The following VIPR2 variants were observed in gnomAD, a reference collection of about 807,000 sequenced individuals.
The protein encoded by VIPR2 is vasoactive intestinal peptide receptor 2.
A neutral mutation model predicts 58.0 loss-of-function variants in VIPR2; 48 were observed. The ratio of observed to expected loss-of-function variants is 0.83; its 90% CI spans 0.66 to 1.05. The LOEUF (loss-of-function observed/expected upper bound fraction) is 1.05. Ranked by LOEUF, VIPR2 falls within the 50% of genes least tolerant of loss-of-function variation. The pLI, the probability that VIPR2 is intolerant of heterozygous loss-of-function variation, is 0.00. For missense variants in VIPR2, 534 were observed against 558.0 expected (o/e 0.96, Z 0.43); for synonymous variants, 243 against 235.2 (o/e 1.03, Z -0.30).
intron 4 of VIPR2, among the ~76,000 whole-genome samples, chr7:159,067,321 C>CACA: frequency 6.6e-6 from 1 of 152,230 alleles, no homozygotes; most frequent in East Asian, 1.9e-4. Flanking sequence ...TGCTGTGCAG[C>CACA]TATAGGATTT....
At chr7:159,086,567 C>G (rs74552932) in intron 4 of VIPR2, among the ~76,000 whole-genome samples, 2,418 of 152,332 alleles carry the variant, frequency 0.016, 35 homozygotes, top group Admixed American at 0.035. Flanking sequence ...AGGTGAGAGA[C>G]AAGCTCTCAA....
At chr7:159,117,063 G>C in intron 2 of VIPR2, 1 of 472,872 alleles carries the variant, frequency 2.1e-6, no homozygotes, top group Non-Finnish European at 3.7e-6. Context: ...TGTCCTCCCA[G>C]CAACTCCCTG....
At chr7:159,047,160 A>G (rs1253524977) in intron 5 of VIPR2, among the ~76,000 whole-genome samples, 1 of 152,172 alleles carries the variant, frequency 6.6e-6, no homozygotes, top group Non-Finnish European at 1.5e-5. Context: ...GCTTGAACCC[A>G]GGAGGCAGAG....
At chr7:159,143,521 A>T (rs1797561479) in intron 1 of VIPR2, among the ~76,000 whole-genome samples, 1 of 152,204 alleles carries the variant, frequency 6.6e-6, no homozygotes, top group African/African-American at 2.4e-5. Context: ...ATCCTAACAG[A>T]ATTAAGGGGA....
intron 2 of VIPR2, among the ~76,000 whole-genome samples, chr7:159,134,585 A>G (rs533352277): frequency 1.3e-5 from 2 of 152,164 alleles, no homozygotes; most frequent in Non-Finnish European, 2.9e-5. Flanking sequence ...GATTTTATTT[A>G]TAAGTTTTTG....
At position 159,058,659 on chromosome 7, in the gene VIPR2, T is replaced by C. The variant is rs139116528; in HGVS notation, c.358-81A>G. On this transcript the variant is annotated intron_variant, in intron 4 of 12. Coordinates refer to ENST00000262178, the MANE Select transcript of VIPR2 (RefSeq NM_003382.5). ...CAGGAATGGTTCCAGGATCCAGCCC[T>C]GTGCTCTGGCCATGAAGGACTCTTG... The C allele has an allele frequency of 2.2e-4, 237 of 1,088,628 alleles. No homozygotes were observed. The African/African-American group carries it at 3.3e-3, about 15-fold the overall frequency. The allele number at this position is 1,088,628 out of a possible 1,614,324, so 67.4% of individuals were successfully genotyped here.
intron 2 of VIPR2, among the ~76,000 whole-genome samples, chr7:159,117,669 C>T (rs958069804): frequency 1.2e-4 from 19 of 152,316 alleles, no homozygotes; most frequent in Non-Finnish European, 2.2e-4. Context: ...GTCACCTGCC[C>T]CTACCCCACA....
At chr7:159,059,829 C>CCCTCA (rs1378589215) in intron 4 of VIPR2, among the ~76,000 whole-genome samples, 3 of 144,338 alleles carry the variant, frequency 2.1e-5, no homozygotes, top group Admixed American at 7.2e-5. Flanking sequence ...CCAACTACCA[C>CCCTCA]CCTCACCTCA....
chr7:159,048,638 T>G (rs1383440988), intron 5 of VIPR2, among the ~76,000 whole-genome samples: 2 of 152,280 alleles, frequency 1.3e-5, no homozygotes, highest in Non-Finnish European at 2.9e-5. Flanking sequence ...CTGACAACTT[T>G]AATGTATTAT....
intron 5 of VIPR2, among the ~76,000 whole-genome samples, chr7:159,056,066 A>G (rs1855311824): frequency 6.6e-6 from 1 of 152,222 alleles, no homozygotes; most frequent in Non-Finnish European, 1.5e-5. Flanking sequence ...CAACCCTGCA[A>G]TGTCCAGCGA....
At chr7:159,134,902 C>T (rs535092688) in intron 2 of VIPR2, among the ~76,000 whole-genome samples, 44 of 151,928 alleles carry the variant, frequency 2.9e-4, no homozygotes, top group African/African-American at 9.9e-4. Flanking sequence ...CATGATCTGC[C>T]TGCCTCAGCC....
At chr7:159,112,891 G>A (rs1458309472) in intron 2 of VIPR2, among the ~76,000 whole-genome samples, 1 of 151,264 alleles carries the variant, frequency 6.6e-6, no homozygotes, top group African/African-American at 2.4e-5. Flanking sequence ...CTTGGGACCG[G>A]ATCCTGACCG....
chr7:159,128,502 C>G lies in VIPR2; in HGVS notation c.151+13944G>C, dbSNP rs1796739789. ...GCCTCCCACCTGTGTGCTGGGACCC[C>G]TTCACCCTCCCTCCAGCAGCTTTGG... On this transcript the variant is annotated intron_variant, in intron 2 of 12. Coordinates refer to ENST00000262178, the MANE Select transcript of VIPR2 (RefSeq NM_003382.5). The surrounding 1 kb of genome is among the most constrained non-coding windows in gnomAD (Gnocchi z 4.1). Among the ~76,000 whole-genome samples, 1 of 152,164 alleles carries G rather than the reference C, an allele frequency of 6.6e-6. No homozygotes were observed. The highest frequency in any genetic ancestry group is 1.5e-5 in the Non-Finnish European group (1 of 68,032).
At chr7:159,038,622 AC>A (rs1227658416) in intron 6 of VIPR2, among the ~76,000 whole-genome samples, 18 of 152,216 alleles carry the variant, frequency 1.2e-4, no homozygotes, top group Non-Finnish European at 2.2e-4. Flanking sequence ...GGAGTTAGTC[AC>A]CCATCGGGAT....
chr7:159,134,401 T>C (rs572793598), intron 2 of VIPR2, among the ~76,000 whole-genome samples: 1 of 152,252 alleles, frequency 6.6e-6, no homozygotes, highest in South Asian at 2.1e-4. Flanking sequence ...AGGAAAAGTA[T>C]ATGAGGTCTG....
chr7:159,030,787 C>T lies in VIPR2; in HGVS notation c.1146G>A (p.Val382=). ...GCCATTTTCGCTTCAGCTCGCACTGCACCTGGGAGGTGAGGGCAGCGGGAA... is the reference window on the plus strand; with the variant it reads ...GCCATTTTCGCTTCAGCTCGCACTGTACCTGGGAGGTGAGGGCAGCGGGAA... ...AVLYCFLNSE[V]QCELKRKWRS... Residue 382 remains valine, a splice_region_variant and synonymous_variant, in exon 13 of 13, where the codon GTG becomes GTA. Coordinates refer to ENST00000262178, the MANE Select transcript of VIPR2 (RefSeq NM_003382.5). 1 of 1,581,010 alleles carries T rather than the reference C, an allele frequency of 6.3e-7. No homozygotes were observed. The highest frequency in any genetic ancestry group is 8.6e-7 in the Non-Finnish European group (1 of 1,162,962).
At chr7:159,051,886 T>C (rs13237820) in intron 5 of VIPR2, among the ~76,000 whole-genome samples, 1 of 152,104 alleles carries the variant, frequency 6.6e-6, no homozygotes, top group Non-Finnish European at 1.5e-5. Flanking sequence ...ACAATTATAG[T>C]TGGAGATTTT....
At chr7:159,101,087 G>T (rs188319559) in intron 4 of VIPR2, among the ~76,000 whole-genome samples, 3 of 148,012 alleles carry the variant, frequency 2.0e-5, no homozygotes, top group South Asian at 2.2e-4. Flanking sequence ...GGTAGTGAAC[G>T]GGTCTCACGA....
Position 159,031,649 on chromosome 7 carries a change from G to T in VIPR2, c.1143+179C>A. 2 of 985,440 alleles carry T rather than the reference G, an allele frequency of 2.0e-6. No homozygotes were observed. The highest frequency in any genetic ancestry group is 2.4e-6 in the Non-Finnish European group (2 of 829,934). 61.0% of individuals were successfully genotyped at this position (985,440 alleles called of 1,614,324 possible). On this transcript the variant is annotated intron_variant, in intron 12 of 12. Transcript: ENST00000262178. This position sits in a 1 kb window ranked among gnomAD's most constrained non-coding sequence, Gnocchi z 4.0. ...CGGGGTTTGGAAGCTGGGCCCAGAA[G>T]AGTGGGTTTGCCTGTGTCGTTGTGG... is the stretch of plus-strand genomic sequence containing the variant.
Sources: gnomAD v4.1 joint callset for allele counts (sites outside exome capture counted in the v4.1 genomes callset) on GRCh38, gnomAD v4.1.1 for gene constraint, Gnocchi (gnomAD v3.1) non-coding constraint, MANE v1.5 for transcripts, NCBI Gene and HGNC (gene_info 2026-07-23, HGNC 2026-07-21) for gene names.